PMFBP1: variants seen among roughly 807,000 people sequenced by gnomAD.
The protein encoded by PMFBP1 is polyamine-modulated factor 1-binding protein 1.
A neutral mutation model predicts 137.8 loss-of-function variants in PMFBP1; 131 were observed. The ratio of observed to expected loss-of-function variants is 0.95; its 90% CI spans 0.82 to 1.10. The LOEUF (loss-of-function observed/expected upper bound fraction) is 1.10. PMFBP1 is among the 50% of genes least tolerant of loss of function. PMFBP1 has a pLI of 0.00. For synonymous variants in PMFBP1, 490 were observed against 450.4 expected, an observed-to-expected ratio of 1.09 and a Z score of -1.11; for missense variants, 1,199 against 1,175.4, an observed-to-expected ratio of 1.02 and a Z score of -0.29.
the PMFBP1 span, among the ~76,000 whole-genome samples, chr16:72,240,120 T>C: frequency 6.6e-6 from 1 of 152,042 alleles, no homozygotes; most frequent in African/African-American, 2.4e-5. Flanking sequence ...AGGAGGTAAA[T>C]ACAAGTTATA....
At chr16:72,134,712 C>T (rs1329829319) in intron 9 of PMFBP1, among the ~76,000 whole-genome samples, 1 of 152,180 alleles carries the variant, frequency 6.6e-6, no homozygotes, top group African/African-American at 2.4e-5. Flanking sequence ...CTTGCTATTC[C>T]CTCTGCCTGG....
chr16:72,153,681 G>A (rs1009819605), intron 4 of PMFBP1, among the ~76,000 whole-genome samples: 5 of 150,384 alleles, frequency 3.3e-5, no homozygotes, highest in Non-Finnish European at 7.4e-5. Context: ...CCTAAGTGAA[G>A]CCTATATGAT....
chr16:72,242,539 G>C, the PMFBP1 span, among the ~76,000 whole-genome samples: 1 of 152,132 alleles, frequency 6.6e-6, no homozygotes, highest in Non-Finnish European at 1.5e-5. Flanking sequence ...ATTAGCTTCT[G>C]TCCTTTGGGT....
the PMFBP1 span, among the ~76,000 whole-genome samples, chr16:72,189,124 T>C: frequency 6.6e-6 from 1 of 152,174 alleles, no homozygotes; most frequent in East Asian, 1.9e-4. Flanking sequence ...CTATGGACTT[T>C]ACAAATATTA....
At chr16:72,119,438 G>A in intron 20 of PMFBP1, 84 bp from the exon 21 acceptor site, 2 of 1,611,840 alleles carry the variant, frequency 1.2e-6, no homozygotes, top group Non-Finnish European at 1.7e-6. Flanking sequence ...GCATGGCCAG[G>A]CAGCTCTGCT....
At chr16:72,121,361 G>A (rs889203660) in intron 19 of PMFBP1, among the ~76,000 whole-genome samples, 1 of 152,120 alleles carries the variant, frequency 6.6e-6, no homozygotes, top group African/African-American at 2.4e-5. Flanking sequence ...GCTCCCTCCT[G>A]TCAGCATCCC....
At chr16:72,156,233 C>A (rs1002192106) in intron 3 of PMFBP1, among the ~76,000 whole-genome samples, 2 of 152,092 alleles carry the variant, frequency 1.3e-5, no homozygotes, top group African/African-American at 4.8e-5. Flanking sequence ...GCGATCTGCC[C>A]ACCTTGACCT....
chr16:72,213,404 CACTT>C, the PMFBP1 span, among the ~76,000 whole-genome samples: 3 of 152,210 alleles, frequency 2.0e-5, no homozygotes, highest in African/African-American at 4.8e-5. Flanking sequence ...CCTGCTCTCT[CACTT>C]GCTTGCTCTG....
At chr16:72,159,214 C>T (rs2043026092) in intron 3 of PMFBP1, among the ~76,000 whole-genome samples, 2 of 152,216 alleles carry the variant, frequency 1.3e-5, no homozygotes, top group African/African-American at 4.8e-5. Context: ...CTCTTTAGGG[C>T]TTCCCCTCTA....
the PMFBP1 span, among the ~76,000 whole-genome samples, chr16:72,185,244 G>A: frequency 6.6e-6 from 1 of 151,982 alleles, no homozygotes; most frequent in Non-Finnish European, 1.5e-5. Flanking sequence ...GGCTGGTTTT[G>A]AACTCCTGAC....
In PMFBP1 at chr16:72,120,211, G is replaced by C. The variant is rs568526419; in HGVS notation, c.2769-122C>G. 6.9e-4 allele frequency: 1,035 copies of C among 1,491,870 alleles called. 1 individual carries two copies. Among genetic ancestry groups the C allele is most frequent in the Non-Finnish European group, 8.8e-4 (968 of 1,097,688 alleles). The allele number at this position is 1,491,870 out of a possible 1,614,324, so 92.4% of individuals were successfully genotyped here. A position where few individuals can be genotyped will look rare whatever the true frequency, so the allele number is the denominator to read the frequency against. On this transcript the variant is annotated intron_variant, in intron 19 of 20. Coordinates refer to ENST00000237353, the MANE Select transcript of PMFBP1 (RefSeq NM_031293.3). ...GCACAGATGCCCAGGTCTGTTCAGA[G>C]CCGGCCTGTTACACATGCTCTGTAG...
At chr16:72,200,029 G>A in the PMFBP1 span, among the ~76,000 whole-genome samples, 3 of 152,264 alleles carry the variant, frequency 2.0e-5, no homozygotes, top group East Asian at 3.8e-4. Context: ...CAGTTTGAGT[G>A]TGACATTTGG....
chr16:72,223,198 A>G, the PMFBP1 span, among the ~76,000 whole-genome samples: 19 of 152,282 alleles, frequency 1.2e-4, no homozygotes, highest in Admixed American at 5.9e-4. Flanking sequence ...GTTAAAGTTG[A>G]GGAGTATGTC....
chr16:72,226,134 T>C, the PMFBP1 span, among the ~76,000 whole-genome samples: 4 of 152,194 alleles, frequency 2.6e-5, no homozygotes, highest in East Asian at 7.7e-4. Context: ...TCTGTCAAGC[T>C]ACATATTTGT....
the PMFBP1 span, among the ~76,000 whole-genome samples, chr16:72,220,252 G>A: frequency 6.6e-6 from 1 of 152,168 alleles, no homozygotes; most frequent in African/African-American, 2.4e-5. Flanking sequence ...CAAAGTATTT[G>A]CAATAACAGT....
chr16:72,190,024 A>C, the PMFBP1 span, among the ~76,000 whole-genome samples: 1 of 152,168 alleles, frequency 6.6e-6, no homozygotes, highest in Non-Finnish European at 1.5e-5. Flanking sequence ...TCTGAAAAAA[A>C]ATCTCAAAAA....
chr16:72,211,366 T>C, the PMFBP1 span, among the ~76,000 whole-genome samples: 2 of 152,190 alleles, frequency 1.3e-5, no homozygotes, highest in African/African-American at 2.4e-5. Flanking sequence ...ATAAACTAGA[T>C]GGCCCTAGGG....
chr16:72,201,076 G>A, the PMFBP1 span, among the ~76,000 whole-genome samples: 1 of 152,134 alleles, frequency 6.6e-6, no homozygotes. Context: ...ACCACCTATA[G>A]GACAGATTTG....
chr16:72,215,660 C>T, the PMFBP1 span, among the ~76,000 whole-genome samples: 1 of 152,150 alleles, frequency 6.6e-6, no homozygotes, highest in Non-Finnish European at 1.5e-5. Context: ...GAAGAGGACA[C>T]AGGAGGCAAC....
Sources: gnomAD v4.1 joint callset for allele counts (sites outside exome capture counted in the v4.1 genomes callset) on GRCh38, gnomAD v4.1.1 for gene constraint, MANE v1.5 for transcripts, NCBI Gene and HGNC (gene_info 2026-07-23, HGNC 2026-07-21) for gene names.